Variants in SRBD1 observed in about 807,000 individuals in gnomAD.
The protein encoded by SRBD1 is S1 RNA-binding domain-containing protein 1.
Under a neutral mutation model 115.3 loss-of-function variants are expected in SRBD1, and 88 were observed. The ratio of observed to expected loss-of-function variants is 0.76; its 90% CI spans 0.64 to 0.91. The LOEUF (loss-of-function observed/expected upper bound fraction) is 0.91. SRBD1 is among the 40% of genes least tolerant of loss of function. SRBD1 has a pLI of 0.00. For missense variants in SRBD1, 1,385 were observed against 1,177.4 expected, an observed-to-expected ratio of 1.18 and a Z score of -2.58; for synonymous variants, 509 against 407.7, an observed-to-expected ratio of 1.25 and a Z score of -2.99.
At chr2:45,447,383 G>A (rs1250504479) in intron 16 of SRBD1, 3 of 152,228 alleles carry the variant, frequency 2.0e-5, no homozygotes, top group Non-Finnish European at 4.4e-5. Flanking sequence ...GGGAAGCAGA[G>A]GTTGCAGTGA....
intron 16 of SRBD1, among the ~76,000 whole-genome samples, chr2:45,455,931 G>GT (rs1425357338): frequency 6.6e-6 from 1 of 151,578 alleles, no homozygotes; most frequent in African/African-American, 2.4e-5. Flanking sequence ...TGTTAAAACT[G>GT]TAACATTGCC....
At chr2:45,584,016 T>C (rs748207610) in intron 5 of SRBD1, among the ~76,000 whole-genome samples, 1 of 152,208 alleles carries the variant, frequency 6.6e-6, no homozygotes, top group South Asian at 2.1e-4. Context: ...TAAGCAAGCT[T>C]TTCTTGCTTG....
chr2:45,538,682 T>C (rs1441329700), intron 14 of SRBD1, among the ~76,000 whole-genome samples: 1 of 152,090 alleles, frequency 6.6e-6, no homozygotes, highest in East Asian at 1.9e-4. Flanking sequence ...AGAGAGGAGG[T>C]AGTAAAGAAA....
At position 45,389,632 on chromosome 2, in the gene SRBD1, C is replaced by T. The variant is rs1414065272; in HGVS notation, c.2699-33G>A. 12 of 1,588,450 alleles carry T rather than the reference C, an allele frequency of 7.6e-6. No individual in the cohort carries two copies. In the East Asian group the frequency reaches 2.7e-4, roughly 36 times the overall value. On this transcript the variant is annotated intron_variant, in intron 20 of 20. Transcript: ENST00000263736. ...AGAAAAAAAGTAAGTGTAAATAAGG[C>T]ATTGTACTTCCTAGATACAACATAA...
chr2:45,560,976 A>G (rs1335322751), intron 10 of SRBD1, among the ~76,000 whole-genome samples: 8 of 151,756 alleles, frequency 5.3e-5, no homozygotes, highest in Non-Finnish European at 1.2e-4. Flanking sequence ...AGCCAGCGGT[A>G]TGCACCTATG....
intron 16 of SRBD1, among the ~76,000 whole-genome samples, chr2:45,426,385 GA>G (rs1481184554): frequency 2.6e-5 from 4 of 152,190 alleles, no homozygotes; most frequent in Admixed American, 6.5e-5. Flanking sequence ...ATCTCCCTGG[GA>G]CAGAGCACCT....
chr2:45,480,936 G>A (rs1669944146), intron 15 of SRBD1, among the ~76,000 whole-genome samples: 1 of 152,172 alleles, frequency 6.6e-6, no homozygotes, highest in East Asian at 1.9e-4. Flanking sequence ...TGAGAGGAGA[G>A]TCCATTGATA....
At chr2:45,484,257 GTCAACTATGGCTTA>G (rs1337199274) in intron 15 of SRBD1, among the ~76,000 whole-genome samples, 1 of 152,140 alleles carries the variant, frequency 6.6e-6, no homozygotes, top group African/African-American at 2.4e-5. Flanking sequence ...GGTAAGGCTT[GTCAACTATGGCTTA>G]CTTTGGGTGC....
chr2:45,431,711 G>GCA lies in SRBD1; in HGVS notation c.2050-11819_2050-11818dup, dbSNP rs1423809653. Among the ~76,000 whole-genome samples, 8 of 152,154 alleles carry GCA rather than the reference G, an allele frequency of 5.3e-5. 1 individual carries two copies. The East Asian group carries it at 1.5e-3, about 29-fold the overall frequency. On this transcript the variant is annotated intron_variant, in intron 16 of 20. Transcript: ENST00000263736. ...TTGATGGGTGCAGCGAACCACTATG[G>GCA]CACGTGTATACCTATGTATCAAACC...
intron 15 of SRBD1, among the ~76,000 whole-genome samples, chr2:45,487,302 T>C (rs927018458): frequency 6.6e-6 from 1 of 150,406 alleles, no homozygotes; most frequent in Non-Finnish European, 1.5e-5. Flanking sequence ...ACTGACCTGA[T>C]CTAACATATT....
intron 16 of SRBD1, among the ~76,000 whole-genome samples, chr2:45,431,024 A>G (rs1259760948): frequency 6.6e-6 from 1 of 152,242 alleles, no homozygotes; most frequent in Non-Finnish European, 1.5e-5. Context: ...TATGCGGCCA[A>G]CAAACATGAA....
chr2:45,596,240 C>T (rs554853857), intron 4 of SRBD1, among the ~76,000 whole-genome samples: 12 of 152,292 alleles, frequency 7.9e-5, no homozygotes, highest in Non-Finnish European at 1.3e-4. Context: ...GGGCACCTAT[C>T]GCTCATCATA....
rs745862091 is a variant in SRBD1, at chr2:45,389,507, G to A, written c.2791C>T (p.Leu931Phe). 1 of 1,613,978 alleles carries A rather than the reference G, an allele frequency of 6.2e-7. No homozygotes were observed. The highest frequency in any genetic ancestry group is 1.3e-5 in the African/African-American group (1 of 74,928). The change falls in exon 21 of 21, where the codon CTC (leucine) becomes TTC (phenylalanine). Residue 931 changes from leucine to phenylalanine, a missense_variant. Transcript: ENST00000263736. Reference sequence around the variant, plus strand: ...CCTATATCCACAAAAATTCCAAAGAGAGTGGCATTCTCAACTTTGCCTGTA... The same window carrying A: ...CCTATATCCACAAAAATTCCAAAGAAAGTGGCATTCTCAACTTTGCCTGTA... ...VLTGKVENAT[L>F]FGIFVDIGVG...
Position 45,418,236 on chromosome 2 carries a change from T to G in SRBD1, c.2333+129A>C, listed in dbSNP as rs1166832091. Reference sequence around the variant, plus strand: ...CCAATGCCTACCAAAGGACAGTCACTCAACACTTAACTGAATGAAGGCATG... The same window carrying G: ...CCAATGCCTACCAAAGGACAGTCACGCAACACTTAACTGAATGAAGGCATG... On this transcript the variant is annotated intron_variant, in intron 18 of 20. Transcript: ENST00000263736. 4 of 1,074,814 alleles carry G rather than the reference T, an allele frequency of 3.7e-6. No homozygotes were observed. In the African/African-American group the frequency reaches 6.4e-5, roughly 17 times the overall value. The allele number at this position is 1,074,814 out of a possible 1,614,324, so 66.6% of individuals were successfully genotyped here.
chr2:45,456,561 T>C (rs992617163), intron 16 of SRBD1, among the ~76,000 whole-genome samples: 2 of 151,942 alleles, frequency 1.3e-5, no homozygotes, highest in Non-Finnish European at 2.9e-5. Flanking sequence ...TGCTAATACA[T>C]AATGGGCATT....
intron 16 of SRBD1, among the ~76,000 whole-genome samples, chr2:45,451,954 A>G (rs546670475): frequency 6.6e-6 from 1 of 152,108 alleles, no homozygotes; most frequent in East Asian, 1.9e-4. Context: ...TTAATGTTTC[A>G]TTAAAATTTT....
At chr2:45,559,305 A>G (rs752090454) in intron 10 of SRBD1, among the ~76,000 whole-genome samples, 13 of 152,174 alleles carry the variant, frequency 8.5e-5, no homozygotes, top group Non-Finnish European at 1.3e-4. Flanking sequence ...TCTTTAGCAT[A>G]CCTGAAAGCT....
At chr2:45,521,023 A>T (rs567901274) in intron 14 of SRBD1, among the ~76,000 whole-genome samples, 11 of 152,282 alleles carry the variant, frequency 7.2e-5, no homozygotes, top group African/African-American at 2.4e-4. Flanking sequence ...CTAAAAGAAC[A>T]CACTGTAACA....
intron 16 of SRBD1, among the ~76,000 whole-genome samples, chr2:45,458,069 T>C (rs903955826): frequency 6.6e-6 from 1 of 151,920 alleles, no homozygotes; most frequent in Admixed American, 6.6e-5. Flanking sequence ...AAAGAGAAAA[T>C]AATATATTCT....
Sources: gnomAD v4.1 joint callset for allele counts (sites outside exome capture counted in the v4.1 genomes callset) on GRCh38, gnomAD v4.1.1 for gene constraint, MANE v1.5 for transcripts, NCBI Gene and HGNC (gene_info 2026-07-23, HGNC 2026-07-21) for gene names.